The following DYNC1H1 variants were observed in gnomAD, a reference collection of about 807,000 sequenced individuals.
The protein encoded by DYNC1H1 is cytoplasmic dynein 1 heavy chain 1.
In DYNC1H1, 51 loss-of-function variants were observed where a neutral mutation model predicts 527.1. The ratio of observed to expected loss-of-function variants is 0.10; its 90% CI spans 0.08 to 0.12. DYNC1H1 has a LOEUF of 0.12. Ranked by LOEUF, DYNC1H1 falls within the 10% of genes least tolerant of loss-of-function variation. The pLI is 1.00. For synonymous variants in DYNC1H1, 2,189 were observed against 2,278.8 expected, an observed-to-expected ratio of 0.96 and a Z score of 1.12; for missense variants, 2,771 against 5,971.8, an observed-to-expected ratio of 0.46 and a Z score of 17.66.
chr14:102,000,553 T>C, intron 18 of DYNC1H1, 154 bp downstream of exon 18: 2 of 749,410 alleles, frequency 2.7e-6, no homozygotes, highest in Admixed American at 2.7e-5. Flanking sequence ...TCCAAAATAC[T>C]GTAAAACTTA....
chr14:101,992,005 C>T (rs17512152), intron 11 of DYNC1H1, among the ~76,000 whole-genome samples: 217 of 144,644 alleles, frequency 1.5e-3, no homozygotes, highest in African/African-American at 5.3e-3. Flanking sequence ...GAATCAAGAG[C>T]CCCCCACCAC....
intron 1 of DYNC1H1, chr14:101,969,592 G>T (rs78799492): frequency 2.0e-5 from 3 of 153,376 alleles, no homozygotes; most frequent in African/African-American, 7.2e-5. Context: ...TTGGCCTGAC[G>T]GAAGATCTGG....
chr14:101,996,548 C>T lies in DYNC1H1; in HGVS notation c.3565-487C>T, dbSNP rs532965316. 5.1e-4 allele frequency among the ~76,000 whole-genome samples: 78 copies of T among 152,340 alleles called. No individual in the cohort carries two copies. The Middle Eastern group carries it at 0.02, about 40-fold the overall frequency. ...ACACCCAGACCAGCTGCGGTGGGCT[C>T]TCAGAGGATGTTGCCCTCTGGCCAC... On this transcript the variant is annotated intron_variant, in intron 15 of 77. Coordinates refer to ENST00000360184, the MANE Select transcript of DYNC1H1 (RefSeq NM_001376.5).
chr14:102,024,673 TTA>T (rs2048426926), intron 43 of DYNC1H1, among the ~76,000 whole-genome samples: 1 of 29,334 alleles, frequency 3.4e-5, no homozygotes, highest in African/African-American at 2.9e-4. Flanking sequence ...TCCCTGTGGC[TTA>T]TCTTTTTTTT....
At chr14:102,006,547 A>C (rs1382561236) in intron 27 of DYNC1H1, among the ~76,000 whole-genome samples, 2 of 147,974 alleles carry the variant, frequency 1.4e-5, no homozygotes, top group Non-Finnish European at 3.0e-5. Context: ...TGTACTTCTT[A>C]ATTATGTGGT....
Position 102,018,403 on chromosome 14 carries a change from G to T in DYNC1H1, c.8178-48G>T. 6.2e-7 allele frequency: 1 copy of T among 1,603,370 alleles called. No homozygotes were observed. The highest frequency in any genetic ancestry group is 8.5e-7 in the Non-Finnish European group (1 of 1,177,618). Reference sequence around the variant, plus strand: ...CTCCACTGGCACACTGCCCCTTCCTGGGAGGCGCTGTCAGGGAGGGGCGCT... The same window carrying T: ...CTCCACTGGCACACTGCCCCTTCCTTGGAGGCGCTGTCAGGGAGGGGCGCT... On this transcript the variant is annotated intron_variant, in intron 40 of 77. Transcript: ENST00000360184. The surrounding 1 kb of genome is among the most constrained non-coding windows in gnomAD (Gnocchi z 5.2).
rs760131654 is a variant in DYNC1H1 at position 101,983,192 on chromosome 14, C to T, written c.1135C>T (p.Arg379Cys). The T allele has an allele frequency of 4.3e-6, 7 of 1,614,026 alleles. No homozygotes were observed. The highest frequency in any genetic ancestry group is 5.9e-6 in the Non-Finnish European group (7 of 1,180,028). ...AAAATATCCTATTCAGAGGGCACTG[C>T]GTTTGGTGGAGGCAATTTCAAGAGA... The part of the protein sequence containing the change: ...NTKYPIQRAL[R>C]LVEAISRDLS... Residue 379 changes from arginine to cysteine, a missense_variant, in exon 6 of 78, where the codon CGT becomes TGT. This residue lies in a region of DYNC1H1 where 264 missense variants were observed against 619.4 expected (regional missense o/e 0.43). Transcript: ENST00000360184. This position sits in a 1 kb window ranked among gnomAD's most constrained non-coding sequence, Gnocchi z 5.3.
intron 2 of DYNC1H1, among the ~76,000 whole-genome samples, chr14:101,977,576 A>G (rs764162024): frequency 6.6e-6 from 1 of 152,222 alleles, no homozygotes; most frequent in Non-Finnish European, 1.5e-5. Context: ...ATTATAGTAC[A>G]TGTTGAAATT....
At chr14:101,970,389 C>CG (rs1294180526) in intron 1 of DYNC1H1, among the ~76,000 whole-genome samples, 4 of 143,082 alleles carry the variant, frequency 2.8e-5, no homozygotes, top group East Asian at 4.1e-4. Flanking sequence ...AAAACTAAAG[C>CG]GGGAAAAAAA....
chr14:102,050,440 C>T lies in DYNC1H1; in HGVS notation c.13818C>T (p.Thr4606=). 6.2e-7 allele frequency: 1 copy of T among 1,614,232 alleles called. No homozygotes were observed. The highest frequency in any genetic ancestry group is 8.5e-7 in the Non-Finnish European group (1 of 1,180,048). ...TNTEKKASVV[T]LPVYLNFTRA... is the part of the protein sequence containing the mutation. ...AAACCCCTCTGCTTCTGCAGGTAAC[C>T]TTACCTGTCTACCTGAACTTCACCC... The change falls in exon 78 of 78, where the codon ACC becomes ACT. Residue 4606 remains threonine, a synonymous_variant. Transcript: ENST00000360184.
At chr14:102,003,429 T>G (rs1406105080) in intron 23 of DYNC1H1, among the ~76,000 whole-genome samples, 1 of 151,978 alleles carries the variant, frequency 6.6e-6, no homozygotes, top group Non-Finnish European at 1.5e-5. Flanking sequence ...ACCCGGCTAA[T>G]TTTTATATTT....
rs747207435 is a variant in DYNC1H1 at position 102,044,015 on chromosome 14, G to A, written c.12654G>A (p.Thr4218=). The A allele has an allele frequency of 2.6e-5, 42 of 1,613,974 alleles. No individual in the cohort carries two copies. Among genetic ancestry groups the A allele is most frequent in the African/African-American group, 9.3e-5 (7 of 74,938 alleles). ...CTGACCTGCGGTCAGCTTGCGATAC[G>A]GTGGACACGTGGCTGGATGACACGG... ...GESDLRSACD[T]VDTWLDDTAK... The change falls in exon 70 of 78, where the codon ACG becomes ACA. Residue 4218 remains threonine (T), a synonymous_variant. Coordinates refer to ENST00000360184, the MANE Select transcript of DYNC1H1 (RefSeq NM_001376.5). The surrounding 1 kb of genome is among the most constrained non-coding windows in gnomAD (Gnocchi z 7.1).
rs1334840678 is a variant in DYNC1H1 at position 102,018,455 on chromosome 14, C to T, written c.8182C>T (p.Leu2728=). 3 of 1,613,468 alleles carry T rather than the reference C, an allele frequency of 1.9e-6. No homozygotes were observed. The South Asian group carries it at 3.3e-5, about 18-fold the overall frequency. The part of the protein sequence containing the change: ...PGRKPLSHRF[L]RHVPVVYVDY... The stretch of plus-strand genomic sequence containing the variant: ...AGCGGGGCTATCTGTGCACAGGTTC[C>T]TGCGCCACGTGCCTGTCGTGTATGT... Residue 2728 remains leucine (L), a synonymous_variant, in exon 41 of 78, where the codon CTG becomes TTG. Coordinates refer to ENST00000360184, the MANE Select transcript of DYNC1H1 (RefSeq NM_001376.5). This position sits in a 1 kb window ranked among gnomAD's most constrained non-coding sequence, Gnocchi z 5.2.
At position 102,027,306 on chromosome 14, in the gene DYNC1H1, C is replaced by T. The variant is rs768558206; in HGVS notation, c.8886+18C>T. ...AGATTAAGGTGCGTCTGGTCGGTGGCCTCTTAATCCCAGCAACAGATGTGT... is the reference window on the plus strand; with the variant it reads ...AGATTAAGGTGCGTCTGGTCGGTGGTCTCTTAATCCCAGCAACAGATGTGT... On this transcript the variant is annotated intron_variant, in intron 45 of 77. Transcript: ENST00000360184. This position sits in a 1 kb window ranked among gnomAD's most constrained non-coding sequence, Gnocchi z 7.7. 2 of 1,614,008 alleles carry T rather than the reference C, an allele frequency of 1.2e-6. No homozygotes were observed. The highest frequency in any genetic ancestry group is 1.7e-6 in the Non-Finnish European group (2 of 1,179,990).
Position 102,044,154 on chromosome 14 carries a change from C to T in DYNC1H1, c.12684+109C>T, listed in dbSNP as rs923101861. 9.0e-5 allele frequency: 142 copies of T among 1,581,696 alleles called. 1 individual carries two copies. The highest frequency in any genetic ancestry group is 4.6e-4 in the South Asian group (41 of 88,550). On this transcript the variant is annotated intron_variant, in intron 70 of 77. Transcript: ENST00000360184. The surrounding 1 kb of genome is among the most constrained non-coding windows in gnomAD (Gnocchi z 7.1). ...TGCGTGGAAGAGCGAGCTGACCCCT[C>T]GTGACCGCCAAAGCCTAGCTGGCCA...
Position 102,048,044 on chromosome 14 carries a change from G to T in DYNC1H1, c.13218+16G>T, listed in dbSNP as rs1170025291. ...GAATATCAAGGTAGCTGGGAGGGTG[G>T]CGGGCCGGCCAGGTCTCAAGGTCCC... On this transcript the variant is annotated intron_variant, in intron 73 of 77. Transcript: ENST00000360184. 1.9e-6 allele frequency: 3 copies of T among 1,603,200 alleles called. No individual in the cohort carries two copies. The highest frequency in any genetic ancestry group is 2.5e-6 in the Non-Finnish European group (3 of 1,177,674).
intron 28 of DYNC1H1, 79 bp from the exon 29 acceptor site, chr14:102,008,099 C>T: frequency 1.9e-6 from 3 of 1,598,394 alleles, no homozygotes; most frequent in Non-Finnish European, 2.6e-6. Flanking sequence ...CATCAACATA[C>T]TGATTTGTGG....
chr14:102,004,740 CT>C (rs1380625557), intron 24 of DYNC1H1, 21 bp from the exon 25 acceptor site: 2 of 1,613,946 alleles, frequency 1.2e-6, no homozygotes, highest in South Asian at 2.2e-5. Context: ...TACCTCATTT[CT>C]TAAAATTGTA....
chr14:102,016,177 C>T lies in DYNC1H1; in HGVS notation c.7473+91C>T, dbSNP rs1315835219. ...GAAATGCTGCACCTGTGGGGATGTG[C>T]GCTCTCTCCTAGGCGAGGCAGAGCC... On this transcript the variant is annotated intron_variant, in intron 36 of 77. Coordinates refer to ENST00000360184, the MANE Select transcript of DYNC1H1 (RefSeq NM_001376.5). This position sits in a 1 kb window ranked among gnomAD's most constrained non-coding sequence, Gnocchi z 7.3. 12 of 1,516,802 alleles carry T rather than the reference C, an allele frequency of 7.9e-6. No homozygotes were observed. The highest frequency in any genetic ancestry group is 4.9e-5 in the East Asian group (2 of 40,810). 94.0% of individuals were successfully genotyped at this position (1,516,802 alleles called of 1,614,324 possible). A position where few individuals can be genotyped will look rare whatever the true frequency, so the allele number is the denominator to read the frequency against.
Sources: allele counts gnomAD v4.1 joint callset (sites outside exome capture counted in the v4.1 genomes callset), GRCh38; gene constraint gnomAD v4.1.1; regional missense constraint gnomAD v4.1.1; non-coding constraint Gnocchi (gnomAD v3.1); transcripts MANE v1.5; gene names NCBI Gene and HGNC (gene_info 2026-07-23, HGNC 2026-07-21).